The following ZNF519 variants were observed in gnomAD, a reference collection of about 807,000 sequenced individuals.
ZNF519 encodes zinc finger protein 519, also known as similar to Zinc finger protein 85 (Zinc finger protein HPF4) (HTF1).
In ZNF519, 7 loss-of-function variants were observed where a neutral mutation model predicts 7.4. The observed-to-expected ratio is 0.94, with a 90% CI of 0.54 to 1.77. The LOEUF (loss-of-function observed/expected upper bound fraction) is 1.77. Among genes scored for constraint, ZNF519 ranks in the 40% most tolerant of loss-of-function variants. The pLI is 0.00. For synonymous variants in ZNF519, 179 were observed against 203.3 expected, an observed-to-expected ratio of 0.88 and a Z score of 1.02; for missense variants, 586 against 623.1, an observed-to-expected ratio of 0.94 and a Z score of 0.63.
intron 2 of ZNF519, among the ~76,000 whole-genome samples, chr18:14,089,515 A>G (rs2046105436): frequency 6.6e-6 from 1 of 151,466 alleles, no homozygotes; most frequent in African/African-American, 2.4e-5. Context: ...GTAGACATCA[A>G]ACTGTACACT....
intron 2 of ZNF519, among the ~76,000 whole-genome samples, chr18:14,117,107 C>CA (rs1285598660): frequency 1.3e-5 from 2 of 151,960 alleles, no homozygotes; most frequent in African/African-American, 2.4e-5. Context: ...AATTTAAAAA[C>CA]ACAGAAAAAT....
At chr18:14,107,936 A>G (rs1384827919) in intron 2 of ZNF519, among the ~76,000 whole-genome samples, 1 of 151,894 alleles carries the variant, frequency 6.6e-6, no homozygotes, top group Non-Finnish European at 1.5e-5. Context: ...GTAGACTCCT[A>G]AGGTTATTGA....
At chr18:14,094,611 A>C (rs1394166360) in intron 2 of ZNF519, among the ~76,000 whole-genome samples, 9 of 152,218 alleles carry the variant, frequency 5.9e-5, no homozygotes, top group Non-Finnish European at 1.5e-5. Context: ...GCATCCTTGC[A>C]TTGCTGGCAT....
chr18:14,108,177 T>G (rs114665091), intron 2 of ZNF519, among the ~76,000 whole-genome samples: 3 of 152,124 alleles, frequency 2.0e-5, no homozygotes, highest in African/African-American at 4.8e-5. Context: ...GCAGTCCTAC[T>G]GATAGTGACA....
intron 2 of ZNF519, among the ~76,000 whole-genome samples, chr18:14,121,307 T>C (rs1439544142): frequency 6.6e-6 from 1 of 152,040 alleles, no homozygotes. Context: ...CTGTAACATA[T>C]GCTTAAAATT....
chr18:14,106,417 A>C lies in ZNF519; in HGVS notation c.131-8T>G, dbSNP rs1431080671. On this transcript the variant is annotated splice_polypyrimidine_tract_variant and splice_region_variant and intron_variant, in intron 2 of 2. Transcript: ENST00000590202. ...TGTAATAAGAATACACAGCTGAAAG[A>C]AGTAAAAATAACTAATTATTCTACA... 1.3e-6 allele frequency: 2 copies of C among 1,554,544 alleles called. No homozygotes were observed. The highest frequency in any genetic ancestry group is 1.7e-4 in the Middle Eastern group (1 of 5,778).
chr18:14,073,672 G>C (rs1180461079), downstream of ZNF519: 1 of 152,160 alleles, frequency 6.6e-6, no homozygotes, highest in Non-Finnish European at 1.5e-5. Context: ...TAAGAAACCT[G>C]TATCATGATC....
chr18:14,103,115 T>C lies in ZNF519; in HGVS notation c.*1802A>G, dbSNP rs1264525876. On this transcript the variant is annotated 3_prime_UTR_variant, in exon 3 of 3. Coordinates refer to ENST00000590202, the MANE Select transcript of ZNF519 (RefSeq NM_145287.4). ...CATTATTTGGAGTTTATCAGAAGTA[T>C]AGAAACTTCTATACTCCAATGTAAA... The C allele has an allele frequency of 1.3e-5, 2 of 152,110 alleles. No homozygotes were observed. The highest frequency in any genetic ancestry group is 2.9e-5 in the Non-Finnish European group (2 of 67,980). 9.4% of individuals were successfully genotyped at this position (152,110 alleles called of 1,614,324 possible). A position where few individuals can be genotyped will look rare whatever the true frequency, so the allele number is the denominator to read the frequency against.
Position 14,086,929 on chromosome 18 carries a change from T to TAACAACAACAAC in ZNF519, c.131-1865_131-1854dup, listed in dbSNP as rs3062559. ...AAAGATATCAAATCAGACAAGGACA[T>TAACAACAACAAC]AACAACAACAACAAAATTACAGGAC... is the stretch of plus-strand genomic sequence containing the variant. On this transcript the variant is annotated intron_variant and NMD_transcript_variant, in intron 2 of 4. Transcript: ENST00000587419. 3.7e-3 allele frequency among the ~76,000 whole-genome samples: 561 copies of TAACAACAACAAC among 151,862 alleles called. 1 individual carries two copies. Among genetic ancestry groups the TAACAACAACAAC allele is most frequent in the Non-Finnish European group, 4.6e-3 (314 of 67,970 alleles).
downstream of ZNF519, chr18:14,075,486 T>G (rs112253271): frequency 6.6e-6 from 1 of 152,172 alleles, no homozygotes; most frequent in Non-Finnish European, 1.5e-5. Context: ...TTTGTGAACA[T>G]AGAAAACAAG....
intron 2 of ZNF519, among the ~76,000 whole-genome samples, chr18:14,123,378 A>C (rs983589104): frequency 1.3e-5 from 2 of 152,288 alleles, no homozygotes; most frequent in Admixed American, 1.3e-4. Flanking sequence ...AAGTATTTTA[A>C]ATCTGCGGGT....
downstream of ZNF519, among the ~76,000 whole-genome samples, chr18:14,095,464 G>A (rs1244077503): frequency 6.6e-6 from 1 of 152,214 alleles, no homozygotes; most frequent in Non-Finnish European, 1.5e-5. Flanking sequence ...TTAACCCAAA[G>A]CCCACAGCTG....
chr18:14,093,089 T>C (rs2046120833), intron 2 of ZNF519, among the ~76,000 whole-genome samples: 1 of 152,070 alleles, frequency 6.6e-6, no homozygotes, highest in African/African-American at 2.4e-5. Flanking sequence ...ACATCAGGAG[T>C]GTCTTTCTCA....
At chr18:14,128,826 A>C (rs1371571012) in intron 1 of ZNF519, among the ~76,000 whole-genome samples, 2 of 152,150 alleles carry the variant, frequency 1.3e-5, no homozygotes, top group Non-Finnish European at 2.9e-5. Context: ...GAAGAGCAAA[A>C]ATTCTTCCCT....
At chr18:14,120,036 T>C (rs960433843) in intron 2 of ZNF519, among the ~76,000 whole-genome samples, 1 of 152,026 alleles carries the variant, frequency 6.6e-6, no homozygotes, top group Admixed American at 6.6e-5. Flanking sequence ...TTTTCAACAG[T>C]AATAGAAAAT....
intron 1 of ZNF519, among the ~76,000 whole-genome samples, chr18:14,127,129 T>C (rs1325224833): frequency 6.6e-6 from 1 of 152,134 alleles, no homozygotes; most frequent in Admixed American, 6.5e-5. Flanking sequence ...TGATTATGGC[T>C]CTGGTTATTT....
intron 2 of ZNF519, among the ~76,000 whole-genome samples, chr18:14,087,668 C>T (rs74427977): frequency 4.6e-5 from 7 of 152,242 alleles, no homozygotes; most frequent in Non-Finnish European, 1.0e-4. Flanking sequence ...TCATTTGCAA[C>T]ATGATCATAA....
At chr18:14,117,665 G>A (rs2046252128) in intron 2 of ZNF519, among the ~76,000 whole-genome samples, 1 of 152,180 alleles carries the variant, frequency 6.6e-6, no homozygotes. Flanking sequence ...TGTACAGGAA[G>A]CATAGCAGCT....
downstream of ZNF519, among the ~76,000 whole-genome samples, chr18:14,099,174 C>T (rs1367959131): frequency 6.6e-6 from 1 of 152,140 alleles, no homozygotes; most frequent in Non-Finnish European, 1.5e-5. Context: ...CTCCCTGCTA[C>T]TTCCCACCAA....
Sources: gnomAD v4.1 joint callset for allele counts (sites outside exome capture counted in the v4.1 genomes callset) on GRCh38, gnomAD v4.1.1 for gene constraint, MANE v1.5 for transcripts, NCBI Gene and HGNC (gene_info 2026-07-23, HGNC 2026-07-21) for gene names.